Variants in RBM6 observed in about 807,000 individuals in gnomAD.
RBM6 encodes RNA binding motif protein 6, also known as RNA-binding protein 6.
RBM6 carries 23 observed loss-of-function variants against 140.4 expected under a neutral mutation model. The ratio of observed to expected loss-of-function variants is 0.16; its 90% CI spans 0.12 to 0.23. The LOEUF (loss-of-function observed/expected upper bound fraction) is 0.23, where lower values mean the gene tolerates loss of function less well. Ranked by LOEUF, RBM6 falls within the 10% of genes least tolerant of loss-of-function variation. The pLI is 1.00. For missense variants in RBM6, 1,139 were observed against 1,386.7 expected (o/e 0.82, Z 2.84); for synonymous variants, 439 against 475.6 (o/e 0.92, Z 1.00).
intron 6 of RBM6, among the ~76,000 whole-genome samples, chr3:50,019,062 G>T (rs1489131636): frequency 1.3e-5 from 2 of 151,240 alleles, no homozygotes; most frequent in African/African-American, 4.9e-5. Flanking sequence ...TTGAGACAAG[G>T]TCTTGCTCTT....
intron 1 of RBM6, among the ~76,000 whole-genome samples, chr3:49,960,163 T>C (rs1270256924): frequency 6.6e-6 from 1 of 152,122 alleles, no homozygotes; most frequent in Non-Finnish European, 1.5e-5. Context: ...AGAACAGATA[T>C]GTACGATAAT....
chr3:49,957,948 C>G (rs913891874), intron 1 of RBM6, among the ~76,000 whole-genome samples: 8 of 151,854 alleles, frequency 5.3e-5, no homozygotes, highest in African/African-American at 1.9e-4. Context: ...TTTCTTGCCT[C>G]AGGCTCCTGA....
intron 1 of RBM6, among the ~76,000 whole-genome samples, chr3:49,943,265 G>A (rs915235278): frequency 1.3e-5 from 2 of 151,972 alleles, no homozygotes; most frequent in African/African-American, 2.4e-5. Flanking sequence ...TACCCAGAAG[G>A]GAAATTGCTA....
chr3:49,985,154 G>T (rs1333391629), intron 5 of RBM6, among the ~76,000 whole-genome samples: 1 of 152,192 alleles, frequency 6.6e-6, no homozygotes, highest in Non-Finnish European at 1.5e-5. Context: ...GTAGTTAGAA[G>T]TCACTGAAGA....
At chr3:50,057,206 T>C (rs570474534) in intron 8 of RBM6, among the ~76,000 whole-genome samples, 3 of 152,338 alleles carry the variant, frequency 2.0e-5, no homozygotes, top group Admixed American at 6.5e-5. Flanking sequence ...TTCTGTGAAC[T>C]ATTTCATGTC....
chr3:50,001,736 C>T (rs975552734), intron 6 of RBM6, among the ~76,000 whole-genome samples: 6 of 152,118 alleles, frequency 3.9e-5, no homozygotes, highest in African/African-American at 9.7e-5. Flanking sequence ...TGTGTGCTTT[C>T]GGTGGATCCT....
At chr3:50,010,078 G>T (rs1421297401) in intron 6 of RBM6, among the ~76,000 whole-genome samples, 2 of 151,838 alleles carry the variant, frequency 1.3e-5, no homozygotes, top group Non-Finnish European at 2.9e-5. Flanking sequence ...GTAGAGACAG[G>T]GTTTCACCAT....
At chr3:50,052,706 A>G (rs965689311) in intron 7 of RBM6, among the ~76,000 whole-genome samples, 8 of 152,184 alleles carry the variant, frequency 5.3e-5, no homozygotes, top group African/African-American at 1.9e-4. Context: ...GTCAGGGACT[A>G]TGGGTTGTTT....
Position 49,989,991 on chromosome 3 carries a change from C to T in RBM6, c.1484-9449C>T, listed in dbSNP as rs565177116. ...CGAACTCCTGACCTCAAGTGATCTG[C>T]CCGCCTTGGCTTCCCAAAGTGCTGG... On this transcript the variant is annotated intron_variant, in intron 5 of 20. Coordinates refer to ENST00000266022, the MANE Select transcript of RBM6 (RefSeq NM_005777.3). 1.2e-3 allele frequency among the ~76,000 whole-genome samples: 181 copies of T among 152,270 alleles called. 1 individual carries two copies. Among genetic ancestry groups the T allele is most frequent in the Middle Eastern group, 0.01 (3 of 294 alleles).
chr3:50,002,432 T>A (rs1239750610), intron 6 of RBM6, among the ~76,000 whole-genome samples: 1 of 152,058 alleles, frequency 6.6e-6, no homozygotes, highest in Non-Finnish European at 1.5e-5. Flanking sequence ...TGGCTAATTT[T>A]TGTATTTTTA....
chr3:50,070,505 T>C lies in RBM6; in HGVS notation c.3069T>C (p.Phe1023=), dbSNP rs2090267683. ...ATCGCAGGGAAAAGCTCCAGTCTTT[T>C]GACTCTCCAGAAAGGAAACGGATTA... is the stretch of plus-strand genomic sequence containing the variant. The part of the protein sequence containing the change: ...GNDRREKLQS[F]DSPERKRIKY... The change falls in exon 19 of 21, where the codon TTT becomes TTC. Residue 1023 remains phenylalanine (F), a synonymous_variant. Transcript: ENST00000266022. The C allele has an allele frequency of 6.2e-7, 1 of 1,614,096 alleles. No homozygotes were observed. The highest frequency in any genetic ancestry group is 2.2e-5 in the East Asian group (1 of 44,888).
chr3:49,998,120 G>C (rs2086167355), intron 5 of RBM6, among the ~76,000 whole-genome samples: 1 of 152,104 alleles, frequency 6.6e-6, no homozygotes, highest in Non-Finnish European at 1.5e-5. Context: ...AGTTAACTTG[G>C]AGTATTTAAC....
intron 7 of RBM6, among the ~76,000 whole-genome samples, chr3:50,052,823 C>T (rs992350911): frequency 2.6e-5 from 4 of 152,182 alleles, no homozygotes; most frequent in Admixed American, 6.5e-5. Context: ...GGTTCATTCA[C>T]GCAAGCAGTG....
At chr3:49,973,249 C>G (rs1372114518) in intron 4 of RBM6, among the ~76,000 whole-genome samples, 1 of 152,098 alleles carries the variant, frequency 6.6e-6, no homozygotes, top group African/African-American at 2.4e-5. Context: ...CCACCTCAGC[C>G]TCCTGAGTAG....
chr3:50,013,251 T>A (rs2086950192), intron 6 of RBM6, among the ~76,000 whole-genome samples: 1 of 152,106 alleles, frequency 6.6e-6, no homozygotes. Flanking sequence ...GGATTTACTT[T>A]GTCGGTGTCT....
intron 6 of RBM6, among the ~76,000 whole-genome samples, chr3:50,019,222 AC>A (rs1264341514): frequency 6.6e-6 from 1 of 151,318 alleles, no homozygotes; most frequent in East Asian, 1.9e-4. Flanking sequence ...TTTTAGTTTC[AC>A]CATGTTGGCT....
chr3:50,070,638 C>A, intron 19 of RBM6, 86 bp downstream of exon 19: 2 of 959,446 alleles, frequency 2.1e-6, no homozygotes, highest in South Asian at 1.3e-5. Flanking sequence ...TGTTTTCTGT[C>A]TCAGGGAGAT....
Position 49,968,662 on chromosome 3 carries a change from C to G in RBM6, c.1237C>G (p.Leu413Val). Residue 413 changes from leucine to valine, a missense_variant, in exon 3 of 21, where the codon CTG (leucine) becomes GTG (valine). Leu to Val is a conservative substitution (Grantham distance 32). This residue lies in a region of RBM6 where 566 missense variants were observed against 612.7 expected (regional missense o/e 0.92). Transcript: ENST00000266022. ...GGAGTACCGTGATGTGGATCATAGG[C>G]TGCCAGGAAGCCAGATGTTTGGCTA... is the stretch of plus-strand genomic sequence containing the variant. ...SMEYRDVDHR[L>V]PGSQMFGYGQ... 6.2e-7 allele frequency: 1 copy of G among 1,613,030 alleles called. No homozygotes were observed. Among genetic ancestry groups the G allele is most frequent in the Non-Finnish European group, 8.5e-7 (1 of 1,179,650 alleles).
intron 6 of RBM6, among the ~76,000 whole-genome samples, chr3:50,023,948 G>C (rs1051688663): frequency 6.6e-6 from 1 of 151,904 alleles, no homozygotes; most frequent in Non-Finnish European, 1.5e-5. Flanking sequence ...GCTCCCAGCC[G>C]GGTGTGATAT....
Sources: allele counts gnomAD v4.1 joint callset (sites outside exome capture counted in the v4.1 genomes callset), GRCh38; gene constraint gnomAD v4.1.1; regional missense constraint gnomAD v4.1.1; transcripts MANE v1.5; gene names NCBI Gene and HGNC (gene_info 2026-07-23, HGNC 2026-07-21).